The following SLC10A1 variants were observed in gnomAD, a reference collection of about 807,000 sequenced individuals.
SLC10A1 encodes the protein hepatic sodium/bile acid cotransporter.
SLC10A1 carries 36 observed loss-of-function variants against 20.5 expected under a neutral mutation model. The ratio of observed to expected loss-of-function variants is 1.75; its 90% CI spans 1.34 to 2.32. The LOEUF is 2.32. Ranked by LOEUF, SLC10A1 falls within the 30% of genes most tolerant of loss-of-function variation. The pLI is 0.00. For synonymous variants in SLC10A1, 188 were observed against 163.6 expected, an observed-to-expected ratio of 1.15 and a Z score of -1.14; for missense variants, 545 against 439.1, an observed-to-expected ratio of 1.24 and a Z score of -2.16.
intron 2 of SLC10A1, among the ~76,000 whole-genome samples, chr14:69,780,304 A>G (rs1342527024): frequency 6.6e-6 from 1 of 152,246 alleles, no homozygotes; most frequent in African/African-American, 2.4e-5. Context: ...TGTGCATTTT[A>G]GAGAATTGCG....
chr14:69,777,756 A>T (rs1199198937), intron 4 of SLC10A1, among the ~76,000 whole-genome samples: 1 of 151,866 alleles, frequency 6.6e-6, no homozygotes, highest in Non-Finnish European at 1.5e-5. Context: ...TATAAATCAT[A>T]TTAAGTTTAT....
chr14:69,777,578 GTTT>G (rs4646293), intron 4 of SLC10A1, among the ~76,000 whole-genome samples: 11 of 72,448 alleles, frequency 1.5e-4, no homozygotes, highest in African/African-American at 5.2e-4. Flanking sequence ...TGAATGTCCT[GTTT>G]TTTTTTTTTT....
Position 69,797,183 on chromosome 14 carries a change from C to G in SLC10A1, c.-28G>C, listed in dbSNP as rs373185645. The G allele has an allele frequency of 1.1e-5, 17 of 1,565,776 alleles. No homozygotes were observed. The African/African-American group carries it at 2.2e-4, about 20-fold the overall frequency. ...TCCTGTGAGGCAGTGGAAGACCACT[C>G]CTTGTTCTCCGGCTGACTCCGTTTC... On this transcript the variant is annotated 5_prime_UTR_variant, in exon 1 of 5. Transcript: ENST00000216540.
At chr14:69,778,734 A>G (rs1200275267) in intron 3 of SLC10A1, among the ~76,000 whole-genome samples, 2 of 152,170 alleles carry the variant, frequency 1.3e-5, no homozygotes, top group Non-Finnish European at 2.9e-5. Flanking sequence ...TTTCAAGTCT[A>G]AAGTCTCTTG....
At chr14:69,785,210 A>C (rs188026992) in intron 2 of SLC10A1, among the ~76,000 whole-genome samples, 95 of 152,276 alleles carry the variant, frequency 6.2e-4, no homozygotes, top group Non-Finnish European at 8.2e-4. Flanking sequence ...TGGTGGAGAG[A>C]CCATAGCTGC....
intron 2 of SLC10A1, 63 bp from the exon 3 acceptor site, chr14:69,779,423 G>T: frequency 7.4e-7 from 1 of 1,357,840 alleles, no homozygotes. Flanking sequence ...CAGAGGTGGG[G>T]AAGCACAGGT....
chr14:69,777,186 C>T (rs1883465877), intron 4 of SLC10A1, among the ~76,000 whole-genome samples: 2 of 152,184 alleles, frequency 1.3e-5, no homozygotes, highest in African/African-American at 4.8e-5. Flanking sequence ...CAGCAAATCT[C>T]TTGCGTTCCT....
intron 2 of SLC10A1, among the ~76,000 whole-genome samples, chr14:69,779,681 G>T (rs1006689568): frequency 6.6e-6 from 1 of 152,104 alleles, no homozygotes; most frequent in Non-Finnish European, 1.5e-5. Flanking sequence ...TTTAGATTTC[G>T]TATCAGTAGC....
chr14:69,778,562 A>G, intron 3 of SLC10A1, 33 bp from the exon 4 acceptor site: 1 of 1,527,788 alleles, frequency 6.5e-7, no homozygotes. Context: ...ACATACACTC[A>G]GAGGGAACTG....
intron 1 of SLC10A1, 67 bp from the exon 2 acceptor site, chr14:69,786,374 CCTG>C: frequency 7.5e-7 from 1 of 1,334,888 alleles, no homozygotes; most frequent in Admixed American, 1.7e-5. Context: ...TTGTTGAGTG[CCTG>C]CTAAGTGCCA....
chr14:69,778,190 T>C (rs968933192), intron 4 of SLC10A1, 143 bp downstream of exon 4: 1 of 600,312 alleles, frequency 1.7e-6, no homozygotes, highest in African/African-American at 2.0e-5. Context: ...GCTTCTTGGG[T>C]GCTTCTTGGG....
intron 1 of SLC10A1, among the ~76,000 whole-genome samples, chr14:69,787,836 C>T (rs956893428): frequency 5.3e-5 from 8 of 151,956 alleles, no homozygotes; most frequent in Admixed American, 5.2e-4. Context: ...TTGAGACCAG[C>T]CTGGGCAACA....
In SLC10A1 at chr14:69,797,193, C is replaced by T. The variant is rs200435359; in HGVS notation, c.-38G>A. 60 of 1,537,086 alleles carry T rather than the reference C, an allele frequency of 3.9e-5. No homozygotes were observed. The highest frequency in any genetic ancestry group is 1.1e-4 in the South Asian group (9 of 82,338). On this transcript the variant is annotated 5_prime_UTR_variant, in exon 1 of 5. Coordinates refer to ENST00000216540, the MANE Select transcript of SLC10A1 (RefSeq NM_003049.4). ...CAGTGGAAGACCACTCCTTGTTCTC[C>T]GGCTGACTCCGTTTCTTGTGCAGTT...
chr14:69,795,352 C>T (rs900266667), intron 1 of SLC10A1, among the ~76,000 whole-genome samples: 5 of 151,782 alleles, frequency 3.3e-5, no homozygotes, highest in African/African-American at 1.2e-4. Flanking sequence ...TCTCAGATGG[C>T]AGATCCTGTT....
intron 2 of SLC10A1, 50 bp from the exon 3 acceptor site, chr14:69,779,410 G>A: frequency 4.8e-6 from 7 of 1,471,130 alleles, no homozygotes; most frequent in Non-Finnish European, 6.5e-6. Flanking sequence ...GGATAGAGAG[G>A]AACAGAGGTG....
At chr14:69,793,732 G>A (rs762190253) in intron 1 of SLC10A1, among the ~76,000 whole-genome samples, 7 of 152,198 alleles carry the variant, frequency 4.6e-5, no homozygotes, top group Non-Finnish European at 1.0e-4. Context: ...CTGTGAGTCC[G>A]ATGGTGGCAG....
In SLC10A1 at chr14:69,776,010, C is replaced by T; in HGVS notation, c.*272G>A. On this transcript the variant is annotated 3_prime_UTR_variant, in exon 5 of 5. Transcript: ENST00000216540. ...TATCAGACACTTTTAGAGATCCCAG[C>T]AAGAGGCAGATTCGGTTTCTGGTTT... 1 of 417,580 alleles carries T rather than the reference C, an allele frequency of 2.4e-6. No individual in the cohort carries two copies. Among genetic ancestry groups the T allele is most frequent in the Non-Finnish European group, 4.3e-6 (1 of 232,962 alleles). The allele number at this position is 417,580 out of a possible 1,614,324, so 25.9% of individuals were successfully genotyped here.
At chr14:69,777,558 A>G (rs1883473880) in intron 4 of SLC10A1, among the ~76,000 whole-genome samples, 1 of 148,618 alleles carries the variant, frequency 6.7e-6, no homozygotes, top group Non-Finnish European at 1.5e-5. Context: ...AATGTGTTAT[A>G]AAGTGGGTTT....
rs200122790 is a variant in SLC10A1 at position 69,797,094 on chromosome 14, C to T, written c.62G>A (p.Arg21His). The stretch of plus-strand genomic sequence containing the variant: ...GACGCTCAGTGCCAGGTCTGTGGGG[C>T]GCTTGCCAAAGTTGGGTGGCAGGGT... ...NFTLPPNFGKRPTDLALSVIL... is the reference protein window; with the variant it reads ...NFTLPPNFGKHPTDLALSVIL... The change falls in exon 1 of 5, where the codon CGC becomes CAC. Residue 21 changes from arginine to histidine, a missense_variant. Physicochemically the swap from Arg to His is conservative, Grantham distance 29. Coordinates refer to ENST00000216540, the MANE Select transcript of SLC10A1 (RefSeq NM_003049.4). 46 of 1,613,904 alleles carry T rather than the reference C, an allele frequency of 2.9e-5. No individual in the cohort carries two copies. The highest frequency in any genetic ancestry group is 3.3e-4 in the Middle Eastern group (2 of 6,084).
Sources: gnomAD v4.1 joint callset for allele counts (sites outside exome capture counted in the v4.1 genomes callset) on GRCh38, gnomAD v4.1.1 for gene constraint, MANE v1.5 for transcripts, NCBI Gene and HGNC (gene_info 2026-07-23, HGNC 2026-07-21) for gene names.